Variants in ZNF169 observed in about 807,000 individuals in gnomAD.
The protein encoded by ZNF169 is zinc finger protein 169.
Under a neutral mutation model 12.0 loss-of-function variants are expected in ZNF169, and 11 were observed. The observed-to-expected ratio is 0.92, with a 90% CI of 0.58 to 1.52. The LOEUF is 1.52. ZNF169 is among the 40% of genes most tolerant of loss of function. ZNF169 has a pLI of 0.00. For missense variants in ZNF169, 722 were observed against 744.0 expected, an observed-to-expected ratio of 0.97 and a Z score of 0.34; for synonymous variants, 302 against 286.5, an observed-to-expected ratio of 1.05 and a Z score of -0.55.
rs769227525 is a variant in ZNF169, at chr9:94,301,583, A to G, written c.*213A>G. 1.2e-6 allele frequency: 1 copy of G among 843,678 alleles called. No homozygotes were observed. The highest frequency in any genetic ancestry group is 1.7e-6 in the Non-Finnish European group (1 of 589,282). 52.3% of individuals were successfully genotyped at this position (843,678 alleles called of 1,614,324 possible). A position where few individuals can be genotyped will look rare whatever the true frequency, so the allele number is the denominator to read the frequency against. ...GCTGGGTGATTTTGACAACGGAAAT[A>G]TATTTTCATATTTATGGAGGCTGGA... On this transcript the variant is annotated 3_prime_UTR_variant, in exon 5 of 5. Coordinates refer to ENST00000395395, the MANE Select transcript of ZNF169 (RefSeq NM_194320.4).
chr9:94,264,991 T>C (rs532661195), intron 1 of ZNF169, among the ~76,000 whole-genome samples: 3 of 149,530 alleles, frequency 2.0e-5, no homozygotes, highest in African/African-American at 7.3e-5. Context: ...GTTCTTTTAC[T>C]AGGCTGATGT....
Position 94,270,740 on chromosome 9 carries a change from ATGTATT to A in ZNF169, c.-55-8016_-55-8011del, listed in dbSNP as rs1255644292. On this transcript the variant is annotated intron_variant, in intron 1 of 4. Coordinates refer to ENST00000395395, the MANE Select transcript of ZNF169 (RefSeq NM_194320.4). The stretch of plus-strand genomic sequence containing the variant: ...TATAATATTATATATTATATAATTA[ATGTATT>A]TATATAATATATAAATATATATGTT... Among the ~76,000 whole-genome samples, 4 of 17,788 alleles carry A rather than the reference ATGTATT, an allele frequency of 2.2e-4. 1 individual carries two copies. Among genetic ancestry groups the A allele is most frequent in the Non-Finnish European group, 4.0e-4 (4 of 10,068 alleles). 11.7% of individuals were successfully genotyped at this position (17,788 alleles called of 152,430 possible).
rs1830759955 is a variant in ZNF169, at chr9:94,288,397, G to A, written c.34-3944G>A. On this transcript the variant is annotated intron_variant, in intron 2 of 4. Transcript: ENST00000395395. The stretch of plus-strand genomic sequence containing the variant: ...GGTTTCCAGACTGCCCGTCACTTTG[G>A]TATTCTCAGTGTTGGCTGAGCCTGA... The A allele has an allele frequency of 4.8e-6, 6 of 1,244,300 alleles. No individual in the cohort carries two copies. In the Admixed American group the frequency reaches 5.1e-5, roughly 11 times the overall value. The allele number at this position is 1,244,300 out of a possible 1,614,324, so 77.1% of individuals were successfully genotyped here.
rs1831054854 is a variant in ZNF169 at position 94,300,836 on chromosome 9, G to A, written c.1278G>A (p.Gly426=). Residue 426 remains glycine, a synonymous_variant, in exon 5 of 5, where the codon GGG becomes GGA. Coordinates refer to ENST00000395395, the MANE Select transcript of ZNF169 (RefSeq NM_194320.4). ...TLIRHQRTHT[G]EKPYLCPQCG... ...TCAGGCACCAGAGGACACACACAGG[G>A]GAGAAGCCTTACCTGTGCCCCCAGT... is the stretch of plus-strand genomic sequence containing the variant. 2 of 1,613,898 alleles carry A rather than the reference G, an allele frequency of 1.2e-6. No individual in the cohort carries two copies. The highest frequency in any genetic ancestry group is 2.2e-5 in the South Asian group (2 of 91,088).
intron 3 of ZNF169, 170 bp downstream of exon 3, chr9:94,292,637 G>GTGTGTGTGTA: frequency 2.4e-6 from 2 of 850,344 alleles, no homozygotes; most frequent in Non-Finnish European, 3.6e-6. Flanking sequence ...GTGTGTGTGT[G>GTGTGTGTGTA]TGTGCGCGTG....
intron 1 of ZNF169, among the ~76,000 whole-genome samples, chr9:94,271,107 ATTAT>A (rs1227730179): frequency 7.0e-6 from 1 of 142,706 alleles, no homozygotes; most frequent in African/African-American, 2.6e-5. Flanking sequence ...GTTTTATTTT[ATTAT>A]TTTTGAGACA....
chr9:94,288,246 G>A (rs1830756029), intron 2 of ZNF169: 7 of 805,294 alleles, frequency 8.7e-6, no homozygotes, highest in Non-Finnish European at 1.5e-5. Context: ...TAGGTGAGAA[G>A]GACGAATTGA....
chr9:94,264,394 A>C (rs1320651621), intron 1 of ZNF169, among the ~76,000 whole-genome samples: 1 of 152,210 alleles, frequency 6.6e-6, no homozygotes, highest in Non-Finnish European at 1.5e-5. Flanking sequence ...TGGCCCCCCA[A>C]AGTGCTGAGA....
intron 1 of ZNF169, among the ~76,000 whole-genome samples, chr9:94,268,551 A>G (rs1448973860): frequency 6.6e-6 from 1 of 151,952 alleles, no homozygotes; most frequent in Non-Finnish European, 1.5e-5. Flanking sequence ...GCACTTTGGG[A>G]GGCTGAGGCA....
At chr9:94,265,021 G>GTTTTTTTTTTTTTTTTTTTTTTTCTTTT (rs55756013) in intron 1 of ZNF169, among the ~76,000 whole-genome samples, 1 of 90,684 alleles carries the variant, frequency 1.1e-5, no homozygotes, top group Non-Finnish European at 2.0e-5. Context: ...TCTGTACCCT[G>GTTTTTTTTTTTTTTTTTTTTTTTCTTTT]TTTTTTTTTT....
rs754988511 is a variant in ZNF169, at chr9:94,301,243, G to A, written c.1685G>A (p.Arg562Gln). The A allele has an allele frequency of 2.3e-5, 37 of 1,614,014 alleles. No homozygotes were observed. The highest frequency in any genetic ancestry group is 2.8e-5 in the Non-Finnish European group (33 of 1,180,034). Reference protein sequence around the residue: ...GFKSALIRHQRTHSGEKPYVC... With the variant: ...GFKSALIRHQQTHSGEKPYVC... The stretch of plus-strand genomic sequence containing the variant: ...AAGTCTGCCCTCATCCGACATCAGC[G>A]GACCCATTCTGGGGAGAAGCCGTAT... Residue 562 changes from arginine (R) to glutamine (Q), a missense_variant, in exon 5 of 5, where the codon CGG becomes CAG. Coordinates refer to ENST00000395395, the MANE Select transcript of ZNF169 (RefSeq NM_194320.4).
At chr9:94,285,484 T>G (rs1830705970) in intron 2 of ZNF169, among the ~76,000 whole-genome samples, 1 of 152,018 alleles carries the variant, frequency 6.6e-6, no homozygotes, top group Non-Finnish European at 1.5e-5. Flanking sequence ...AAAAAGTACT[T>G]CAAGAAATAA....
At chr9:94,278,719 T>C in intron 1 of ZNF169, 39 bp from the exon 2 acceptor site, 1 of 1,251,410 alleles carries the variant, frequency 8.0e-7, no homozygotes, top group Non-Finnish European at 1.2e-6. Context: ...AAGGGTGTTC[T>C]TCCCAAGTAC....
intron 2 of ZNF169, among the ~76,000 whole-genome samples, chr9:94,280,216 C>T (rs1308061024): frequency 2.6e-5 from 4 of 152,092 alleles, no homozygotes; most frequent in Admixed American, 1.3e-4. Flanking sequence ...AGCTGTGAGT[C>T]CCTTATTTGT....
chr9:94,282,548 CA>C (rs1393208933), intron 2 of ZNF169, among the ~76,000 whole-genome samples: 1 of 152,164 alleles, frequency 6.6e-6, no homozygotes, highest in Non-Finnish European at 1.5e-5. Context: ...AGGAGGCAAA[CA>C]GATATGCATC....
At chr9:94,273,699 C>T (rs1328337506) in intron 1 of ZNF169, among the ~76,000 whole-genome samples, 2 of 151,556 alleles carry the variant, frequency 1.3e-5, no homozygotes, top group Admixed American at 1.3e-4. Flanking sequence ...CCTGCCTCAG[C>T]CTCCCGAGTA....
rs759769747 is a variant in ZNF169, at chr9:94,300,832, CAG to C, written c.1275_1276del (p.Lys428AlafsTer12). 56 of 1,613,998 alleles carry C rather than the reference CAG, an allele frequency of 3.5e-5. No individual in the cohort carries two copies. The highest frequency in any genetic ancestry group is 4.3e-5 in the Non-Finnish European group (51 of 1,180,022). ...CTCATCAGGCACCAGAGGACACACA[CAG>C]GGGAGAAGCCTTACCTGTGCCCCCA... On this transcript the variant is annotated frameshift_variant, in exon 5 of 5. Transcript: ENST00000395395. LOFTEE classifies it low-confidence loss of function (END_TRUNC).
intron 2 of ZNF169, among the ~76,000 whole-genome samples, chr9:94,281,723 G>A (rs1005006507): frequency 3.9e-5 from 6 of 152,184 alleles, no homozygotes; most frequent in Non-Finnish European, 8.8e-5. Context: ...GTTTGGTTCA[G>A]AAAGGCGGGA....
At chr9:94,284,487 T>A (rs76650772) in intron 2 of ZNF169, among the ~76,000 whole-genome samples, 3,919 of 152,272 alleles carry the variant, frequency 0.026, 162 homozygotes, top group African/African-American at 0.089. Flanking sequence ...GCAATTTTTT[T>A]ATAACAGCAG....
Sources: gnomAD v4.1 joint callset for allele counts (sites outside exome capture counted in the v4.1 genomes callset) on GRCh38, gnomAD v4.1.1 for gene constraint, MANE v1.5 for transcripts, NCBI Gene and HGNC (gene_info 2026-07-23, HGNC 2026-07-21) for gene names.